Variants in LRRTM4 observed in about 807,000 individuals in gnomAD.
LRRTM4 encodes leucine rich repeat transmembrane neuronal 4, also known as leucine-rich repeat transmembrane neuronal protein 4.
In LRRTM4, 25 loss-of-function variants were observed where a neutral mutation model predicts 47.6. The ratio of observed to expected loss-of-function variants is 0.53; its 90% CI spans 0.38 to 0.73. The LOEUF (loss-of-function observed/expected upper bound fraction) is 0.73, where lower values mean the gene tolerates loss of function less well. LRRTM4 is among the 30% of genes least tolerant of loss of function. LRRTM4 has a pLI of 0.00. For missense variants in LRRTM4, 638 were observed against 713.4 expected (o/e 0.89, Z 1.20); for synonymous variants, 311 against 269.5 (o/e 1.15, Z -1.51).
intron 3 of LRRTM4, among the ~76,000 whole-genome samples, chr2:77,190,474 A>G (rs1021084849): frequency 2.0e-5 from 3 of 151,280 alleles, no homozygotes; most frequent in Admixed American, 1.3e-4. Flanking sequence ...TTTTTTTTGT[A>G]TTTTTAGTAG....
At chr2:77,245,955 C>A (rs1317117046) in intron 3 of LRRTM4, among the ~76,000 whole-genome samples, 1 of 152,156 alleles carries the variant, frequency 6.6e-6, no homozygotes. Flanking sequence ...CTACATTAGT[C>A]AATCACATAA....
chr2:77,462,302 A>C (rs1179467521), intron 3 of LRRTM4, among the ~76,000 whole-genome samples: 1 of 152,090 alleles, frequency 6.6e-6, no homozygotes, highest in African/African-American at 2.4e-5. Flanking sequence ...AATAAAACCA[A>C]ATCTTTCAAG....
At chr2:76,793,403 T>C (rs1675082812) in intron 3 of LRRTM4, among the ~76,000 whole-genome samples, 1 of 152,220 alleles carries the variant, frequency 6.6e-6, no homozygotes, top group South Asian at 2.1e-4. Flanking sequence ...GGCCAATTAC[T>C]GAAATCGTTT....
At chr2:77,079,363 A>G (rs1414429922) in intron 3 of LRRTM4, among the ~76,000 whole-genome samples, 2 of 152,218 alleles carry the variant, frequency 1.3e-5, no homozygotes, top group Non-Finnish European at 2.9e-5. Context: ...ATTGAAACAC[A>G]TCTGTGCCTA....
At chr2:77,510,317 T>C (rs1299130849) in intron 3 of LRRTM4, among the ~76,000 whole-genome samples, 5 of 152,140 alleles carry the variant, frequency 3.3e-5, no homozygotes, top group Non-Finnish European at 7.4e-5. Flanking sequence ...TGAAAGAACG[T>C]ATGTTTCAGT....
intron 3 of LRRTM4, among the ~76,000 whole-genome samples, chr2:77,196,105 A>G (rs7605690): frequency 0.2 from 30,157 of 152,114 alleles, 5,752 homozygotes; most frequent in African/African-American, 0.49. Context: ...AAATAATGGT[A>G]TATTTGTTTG....
intron 3 of LRRTM4, among the ~76,000 whole-genome samples, chr2:77,276,436 G>A (rs1038769335): frequency 1.0e-4 from 15 of 147,474 alleles, no homozygotes; most frequent in Admixed American, 6.8e-5. Flanking sequence ...GAGAAAGGAA[G>A]AAAAAAGAAA....
intron 3 of LRRTM4, among the ~76,000 whole-genome samples, chr2:77,343,677 T>C (rs1671457494): frequency 6.6e-6 from 1 of 151,960 alleles, no homozygotes; most frequent in African/African-American, 2.4e-5. Context: ...ATTAAGTACT[T>C]GTTTATGAAG....
intron 3 of LRRTM4, among the ~76,000 whole-genome samples, chr2:77,153,501 TAC>T (rs1672482168): frequency 6.6e-6 from 1 of 152,118 alleles, no homozygotes. Flanking sequence ...CCAAGATAAA[TAC>T]AGTTATTACC....
At chr2:76,998,421 T>C (rs2104014417) in intron 3 of LRRTM4, among the ~76,000 whole-genome samples, 1 of 152,216 alleles carries the variant, frequency 6.6e-6, no homozygotes, top group South Asian at 2.1e-4. Context: ...TGTGTGGCCC[T>C]TCTACTATCT....
In LRRTM4 at chr2:76,747,693, G is replaced by T. The variant is rs1187160115; in HGVS notation, c.*1002C>A. ...AGATAAAGCACTCAGCATTAGGTGG[G>T]CTGTGGTATACCAACCACAAAATAA... On this transcript the variant is annotated 3_prime_UTR_variant, in exon 4 of 4. Coordinates refer to ENST00000409884, the MANE Select transcript of LRRTM4 (RefSeq NM_001134745.3). The T allele has an allele frequency of 6.6e-6, 1 of 152,098 alleles. No homozygotes were observed. The highest frequency in any genetic ancestry group is 1.5e-5 in the Non-Finnish European group (1 of 68,024). The allele number at this position is 152,098 out of a possible 1,614,324, so 9.4% of individuals were successfully genotyped here.
intron 3 of LRRTM4, among the ~76,000 whole-genome samples, chr2:76,908,044 A>C (rs1673912240): frequency 6.6e-6 from 1 of 152,024 alleles, no homozygotes; most frequent in Non-Finnish European, 1.5e-5. Context: ...CAGCCAAAAA[A>C]CAGAATTTTA....
intron 3 of LRRTM4, among the ~76,000 whole-genome samples, chr2:77,377,468 C>T (rs1672880986): frequency 6.6e-6 from 1 of 151,826 alleles, no homozygotes; most frequent in African/African-American, 2.4e-5. Flanking sequence ...TTTATTTCTT[C>T]TTTCTAATTC....
At chr2:77,273,018 A>T (rs1676247551) in intron 3 of LRRTM4, among the ~76,000 whole-genome samples, 1 of 152,168 alleles carries the variant, frequency 6.6e-6, no homozygotes, top group Non-Finnish European at 1.5e-5. Flanking sequence ...GTACTTTTTT[A>T]GTGAATTCCA....
intron 3 of LRRTM4, among the ~76,000 whole-genome samples, chr2:77,174,907 A>C (rs1673150119): frequency 6.6e-6 from 1 of 151,976 alleles, no homozygotes; most frequent in African/African-American, 2.4e-5. Flanking sequence ...TCATTTAAAG[A>C]AATCTTTTGT....
chr2:77,099,079 C>T (rs766731279), intron 3 of LRRTM4, among the ~76,000 whole-genome samples: 64 of 151,756 alleles, frequency 4.2e-4, no homozygotes, highest in Admixed American at 1.2e-3. Flanking sequence ...TCTAGTAATA[C>T]ATAAACTCCT....
chr2:76,783,031 C>T (rs1674484887), intron 3 of LRRTM4, among the ~76,000 whole-genome samples: 2 of 151,980 alleles, frequency 1.3e-5, no homozygotes, highest in South Asian at 2.1e-4. Flanking sequence ...TAAAGCTGAA[C>T]ACACACACCT....
At chr2:77,496,362 G>A (rs965637803) in intron 3 of LRRTM4, among the ~76,000 whole-genome samples, 1 of 151,706 alleles carries the variant, frequency 6.6e-6, no homozygotes, top group Non-Finnish European at 1.5e-5. Flanking sequence ...ATTGTATAAT[G>A]TCATATAGGG....
At chr2:77,477,162 C>T (rs1032045825) in intron 3 of LRRTM4, among the ~76,000 whole-genome samples, 12 of 152,012 alleles carry the variant, frequency 7.9e-5, no homozygotes, top group Non-Finnish European at 1.5e-4. Context: ...TCATTAGCAT[C>T]ATGAAGATAG....
Sources: allele counts gnomAD v4.1 joint callset (sites outside exome capture counted in the v4.1 genomes callset), GRCh38; gene constraint gnomAD v4.1.1; transcripts MANE v1.5; gene names NCBI Gene and HGNC (gene_info 2026-07-23, HGNC 2026-07-21).